CALML4: variants seen among roughly 807,000 people sequenced by gnomAD.
CALML4 encodes calmodulin like 4.
In CALML4, 16 loss-of-function variants were observed where a neutral mutation model predicts 17.9. The ratio of observed to expected loss-of-function variants is 0.89; its 90% CI spans 0.61 to 1.36. CALML4 has a LOEUF of 1.36. Among genes scored for constraint, CALML4 ranks in the 40% most tolerant of loss-of-function variants. CALML4 has a pLI of 0.00. For missense variants in CALML4, 203 were observed against 194.8 expected, an observed-to-expected ratio of 1.04 and a Z score of -0.25; for synonymous variants, 86 against 71.5, an observed-to-expected ratio of 1.20 and a Z score of -1.02.
At chr15:68,206,058 G>C (rs2093183234), upstream of CALML4, 1 of 152,348 alleles carries the variant, frequency 6.6e-6, no homozygotes, top group Non-Finnish European at 1.5e-5. Context: ...GGTTACCCTG[G>C]CCAGGAAGGC....
intron 2 of CALML4, among the ~76,000 whole-genome samples, chr15:68,202,417 A>C (rs1440056583): frequency 1.3e-5 from 2 of 152,190 alleles, no homozygotes; most frequent in African/African-American, 4.8e-5. Flanking sequence ...ACCAGCCTGG[A>C]CAATATAGTA....
intron 2 of CALML4, among the ~76,000 whole-genome samples, chr15:68,202,449 T>C (rs1269039745): frequency 6.6e-6 from 1 of 152,096 alleles, no homozygotes; most frequent in South Asian, 2.1e-4. Flanking sequence ...CTACAAAATA[T>C]TTACAAATGT....
In CALML4 at chr15:68,197,560, G is replaced by C; in HGVS notation, c.244C>G (p.Pro82Ala). The change falls in exon 4 of 5, where the codon CCA becomes GCA. Residue 82 changes from proline (P) to alanine (A), a missense_variant. Physicochemically the swap from Pro to Ala is conservative, Grantham distance 27. Transcript: ENST00000467889. This position sits in a 1 kb window ranked among gnomAD's most constrained non-coding sequence, Gnocchi z 4.1. ...ATGGCTAGAAGAATTTCTTTCTTTG[G>C]GTCTTCTTGTTTTATTTGCATGTGC... Reference protein sequence around the residue: ...IMHMQIKQEDPKKEILLAMLM... With the variant: ...IMHMQIKQEDAKKEILLAMLM... 1 of 1,614,022 alleles carries C rather than the reference G, an allele frequency of 6.2e-7. No individual in the cohort carries two copies. Among genetic ancestry groups the C allele is most frequent in the African/African-American group, 1.3e-5 (1 of 75,002 alleles).
rs1330945940 is a variant in CALML4 at position 68,199,661 on chromosome 15, G to A, written c.55C>T (p.Leu19=). 9 of 1,613,298 alleles carry A rather than the reference G, an allele frequency of 5.6e-6. No individual in the cohort carries two copies. Among genetic ancestry groups the A allele is most frequent in the Non-Finnish European group, 7.6e-6 (9 of 1,179,928 alleles). Residue 19 remains leucine, a synonymous_variant, in exon 3 of 5, where the codon CTG becomes TTG. Coordinates refer to ENST00000467889, the MANE Select transcript of CALML4 (RefSeq NM_033429.3). ...TTCCCCCTCTGCTGCTTGTCATACA[G>A]GGAGAAGCATTCCTTGTACTCTGCA... is the stretch of plus-strand genomic sequence containing the variant. The part of the protein sequence containing the change: ...QINEYKECFS[L]YDKQQRGKIK...
At chr15:68,203,471 G>C (rs958778517) in intron 2 of CALML4, among the ~76,000 whole-genome samples, 1 of 152,076 alleles carries the variant, frequency 6.6e-6, no homozygotes, top group Admixed American at 6.6e-5. Flanking sequence ...ATCACAATAG[G>C]GCTGTCTTTT....
intron 2 of CALML4, among the ~76,000 whole-genome samples, chr15:68,202,569 G>A (rs1353671618): frequency 6.6e-6 from 1 of 152,000 alleles, no homozygotes; most frequent in Non-Finnish European, 1.5e-5. Context: ...TCATGCCATT[G>A]CACAGAGCAA....
Position 68,204,630 on chromosome 15 carries a change from G to A in CALML4, c.34+491C>T, listed in dbSNP as rs1167107356. 3.9e-5 allele frequency among the ~76,000 whole-genome samples: 6 copies of A among 152,176 alleles called. No homozygotes were observed. Among genetic ancestry groups the A allele is most frequent in the Admixed American group, 1.3e-4 (2 of 15,284 alleles). The stretch of plus-strand genomic sequence containing the variant: ...GGGACCCAGGGAATAAAGTGCTCAC[G>A]CCCAAACCAGGCTTGATGCCAGGGC... On this transcript the variant is annotated intron_variant, in intron 2 of 4. Coordinates refer to ENST00000467889, the MANE Select transcript of CALML4 (RefSeq NM_033429.3). This position sits in a 1 kb window ranked among gnomAD's most constrained non-coding sequence, Gnocchi z 6.0.
chr15:68,195,160 A>C (rs1392571325), intron 4 of CALML4, among the ~76,000 whole-genome samples: 1 of 151,982 alleles, frequency 6.6e-6, no homozygotes, highest in Non-Finnish European at 1.5e-5. Context: ...TGTATTCTCC[A>C]CAATGGCCTC....
At chr15:68,194,196 C>T (rs1368820293) in intron 4 of CALML4, 84 bp from the exon 5 acceptor site, 6 of 1,001,038 alleles carry the variant, frequency 6.0e-6, no homozygotes, top group Admixed American at 1.9e-5. Context: ...TGGAGCTCCC[C>T]TAAGGTCTTC....
In CALML4 at chr15:68,194,056, C is replaced by A. The variant is rs755023361; in HGVS notation, c.421G>T (p.Glu141Ter). ...GGAAGGGTGATCTTGTGGATAAATT[C>A]ATCATACTTCACTTTGCCATTGGGT... Reference protein sequence around the residue: ...IEPNGKVKYDEFIHKITLPGR... With the variant: ...IEPNGKVKYD The change falls in exon 5 of 5, where the codon GAA becomes TAA. Residue 141 changes from glutamate (E) to a stop codon, truncating the protein, a stop_gained. Transcript: ENST00000467889. LOFTEE classifies it high-confidence loss of function. 5.0e-6 allele frequency: 8 copies of A among 1,613,978 alleles called. No individual in the cohort carries two copies. The highest frequency in any genetic ancestry group is 6.8e-6 in the Non-Finnish European group (8 of 1,179,974).
rs375356690 is a variant in CALML4 at position 68,205,328 on chromosome 15, A to C, written c.-81T>G. On this transcript the variant is annotated 5_prime_UTR_variant, in exon 1 of 5. Coordinates refer to ENST00000467889, the MANE Select transcript of CALML4 (RefSeq NM_033429.3). This position sits in a 1 kb window ranked among gnomAD's most constrained non-coding sequence, Gnocchi z 4.8. ...CCCTTTCCTCCAGCCTCAAGTCTAA[A>C]GTCTGCCAAGCTGGGTGGAGGCCCG... 62 of 1,614,086 alleles carry C rather than the reference A, an allele frequency of 3.8e-5. No individual in the cohort carries two copies. In the Middle Eastern group the frequency reaches 9.9e-4, roughly 26 times the overall value.
Position 68,205,296 on chromosome 15 carries a change from T to G in CALML4, c.-49A>C. The G allele has an allele frequency of 6.2e-7, 1 of 1,614,090 alleles. No homozygotes were observed. On this transcript the variant is annotated 5_prime_UTR_variant, in exon 1 of 5. Transcript: ENST00000467889. The surrounding 1 kb of genome is among the most constrained non-coding windows in gnomAD (Gnocchi z 4.8). ...TGGGCTTGCTGCTCCCAGAACCGCG[T>G]TCAGTTCCCTTTCCTCCAGCCTCAA... is the stretch of plus-strand genomic sequence containing the variant.
intron 2 of CALML4, among the ~76,000 whole-genome samples, chr15:68,203,342 C>G (rs114961556): frequency 0.011 from 1,671 of 152,352 alleles, 33 homozygotes; most frequent in African/African-American, 0.036. Context: ...GAGTGCGATT[C>G]TTTTTCCAAT....
In CALML4 at chr15:68,191,021, C is replaced by G. The variant is rs951844415; in HGVS notation, c.*2994G>C. 2.7e-4 allele frequency: 41 copies of G among 152,456 alleles called. No homozygotes were observed. The highest frequency in any genetic ancestry group is 5.1e-4 in the Non-Finnish European group (35 of 68,006). 9.4% of individuals were successfully genotyped at this position (152,456 alleles called of 1,614,324 possible). On this transcript the variant is annotated 3_prime_UTR_variant, in exon 5 of 5. Coordinates refer to ENST00000467889, the MANE Select transcript of CALML4 (RefSeq NM_033429.3). Reference sequence around the variant, plus strand: ...TTCAATTTTAAACACATAAAACTTTCAAGATCTTCAGGACTTTTTAAAGCA... The same window carrying G: ...TTCAATTTTAAACACATAAAACTTTGAAGATCTTCAGGACTTTTTAAAGCA...
chr15:68,197,943 T>C lies in CALML4; in HGVS notation c.176-315A>G. On this transcript the variant is annotated intron_variant, in intron 3 of 4. Transcript: ENST00000467889. The surrounding 1 kb of genome is among the most constrained non-coding windows in gnomAD (Gnocchi z 4.1). ...CCTCTGCTCCCTTCTAGCGCTTCCCTCCTGCCCTGAACTGGAGGGAAACAG... is the reference window on the plus strand; with the variant it reads ...CCTCTGCTCCCTTCTAGCGCTTCCCCCCTGCCCTGAACTGGAGGGAAACAG... 3.5e-6 allele frequency: 1 copy of C among 288,318 alleles called. No homozygotes were observed. Among genetic ancestry groups the C allele is most frequent in the Non-Finnish European group, 6.6e-6 (1 of 151,876 alleles). 17.9% of individuals were successfully genotyped at this position (288,318 alleles called of 1,614,324 possible). A position where few individuals can be genotyped will look rare whatever the true frequency, so the allele number is the denominator to read the frequency against.
chr15:68,201,288 A>G (rs1385073532), intron 2 of CALML4, among the ~76,000 whole-genome samples: 3 of 152,230 alleles, frequency 2.0e-5, no homozygotes, highest in South Asian at 2.1e-4. Flanking sequence ...GCCCAGGGGA[A>G]GCAGGGCCAG....
rs2093125848 is a variant in CALML4 at position 68,192,662 on chromosome 15, G to A, written c.*1353C>T. The A allele has an allele frequency of 6.6e-6, 1 of 152,174 alleles. No individual in the cohort carries two copies. The highest frequency in any genetic ancestry group is 1.5e-5 in the Non-Finnish European group (1 of 68,044). 9.4% of individuals were successfully genotyped at this position (152,174 alleles called of 1,614,324 possible). A position where few individuals can be genotyped will look rare whatever the true frequency, so the allele number is the denominator to read the frequency against. ...CAGTTGCACTAACACTACAACTCTT[G>A]TTCCCTGCAGTTTTCCCTGTGCCCG... On this transcript the variant is annotated 3_prime_UTR_variant, in exon 5 of 5. Transcript: ENST00000467889.
chr15:68,197,628 T>A lies in CALML4; in HGVS notation c.176A>T (p.Asp59Val). The A allele has an allele frequency of 6.2e-7, 1 of 1,613,488 alleles. No homozygotes were observed. Among genetic ancestry groups the A allele is most frequent in the South Asian group, 1.1e-5 (1 of 91,062 alleles). ...GGAGAAATCCAGCTCTCCATTTCCGTCTAGGAAACCCGCAAACACAGCAGA... is the reference window on the plus strand; with the variant it reads ...GGAGAAATCCAGCTCTCCATTTCCGACTAGGAAACCCGCAAACACAGCAGA... ...VQRHLQTHGI[D>V]GNGELDFSTF... is the part of the protein sequence containing the mutation. Residue 59 changes from aspartate (D) to valine (V), a missense_variant and splice_region_variant, in exon 4 of 5, where the codon GAC becomes GTC. Physicochemically the swap from Asp to Val is radical, Grantham distance 152. Transcript: ENST00000467889. This position sits in a 1 kb window ranked among gnomAD's most constrained non-coding sequence, Gnocchi z 4.1.
chr15:68,192,975 TCTAG>T lies in CALML4; in HGVS notation c.*1036_*1039del, dbSNP rs2093127158. The stretch of plus-strand genomic sequence containing the variant: ...CTCTGGCAGCACCAACCTGGCACCT[TCTAG>T]CTGTGTAACTCACTCAAAGCCACTC... On this transcript the variant is annotated 3_prime_UTR_variant, in exon 5 of 5. Coordinates refer to ENST00000467889, the MANE Select transcript of CALML4 (RefSeq NM_033429.3). 1 of 152,304 alleles carries T rather than the reference TCTAG, an allele frequency of 6.6e-6. No homozygotes were observed. Among genetic ancestry groups the T allele is most frequent in the African/African-American group, 2.4e-5 (1 of 41,440 alleles). 9.4% of individuals were successfully genotyped at this position (152,304 alleles called of 1,614,324 possible). A position where few individuals can be genotyped will look rare whatever the true frequency, so the allele number is the denominator to read the frequency against.
Sources: gnomAD v4.1 joint callset for allele counts (sites outside exome capture counted in the v4.1 genomes callset) on GRCh38, gnomAD v4.1.1 for gene constraint, Gnocchi (gnomAD v3.1) non-coding constraint, MANE v1.5 for transcripts, NCBI Gene and HGNC (gene_info 2026-07-23, HGNC 2026-07-21) for gene names.